Variants in NDUFA12 observed in about 807,000 individuals in gnomAD.
The protein encoded by NDUFA12 is NADH:ubiquinone oxidoreductase subunit A12.
A neutral mutation model predicts 20.3 loss-of-function variants in NDUFA12; 17 were observed. The ratio of observed to expected loss-of-function variants is 0.84; its 90% confidence interval spans 0.57 to 1.26. NDUFA12 has a LOEUF of 1.26. NDUFA12 is among the 50% of genes most tolerant of loss of function. NDUFA12 has a pLI of 0.00. For missense variants in NDUFA12, 191 were observed against 183.7 expected (o/e 1.04, Z -0.23); for synonymous variants, 72 against 63.6 (o/e 1.13, Z -0.63).
intron 3 of NDUFA12, among the ~76,000 whole-genome samples, chr12:94,984,010 G>T (rs562431252): frequency 6.6e-6 from 1 of 152,106 alleles, no homozygotes; most frequent in Non-Finnish European, 1.5e-5. Flanking sequence ...CTGGTTTGGG[G>T]TGCTGGAGGC....
intron 3 of NDUFA12, among the ~76,000 whole-genome samples, chr12:94,980,485 G>A (rs2136061493): frequency 6.6e-6 from 1 of 151,874 alleles, no homozygotes; most frequent in East Asian, 1.9e-4. Flanking sequence ...TGACCACCAC[G>A]ATGTTAAGCA....
chr12:94,998,609 C>T (rs191324858), intron 2 of NDUFA12, among the ~76,000 whole-genome samples: 1 of 152,242 alleles, frequency 6.6e-6, no homozygotes, highest in African/African-American at 2.4e-5. Flanking sequence ...AGCTCCTAGA[C>T]CTGATAAATA....
intron 3 of NDUFA12, among the ~76,000 whole-genome samples, chr12:94,990,777 A>T (rs1253559369): frequency 6.6e-6 from 1 of 152,126 alleles, no homozygotes; most frequent in African/African-American, 2.4e-5. Flanking sequence ...TCTTCAAATT[A>T]CATCACTGAC....
At chr12:94,978,740 CTAATCTTTT>C (rs1284426777) in intron 3 of NDUFA12, among the ~76,000 whole-genome samples, 2 of 152,076 alleles carry the variant, frequency 1.3e-5, no homozygotes, top group East Asian at 3.8e-4. Context: ...ATTCAATTTA[CTAATCTTTT>C]TATCCTATTT....
At chr12:94,985,914 G>A (rs150611248) in intron 3 of NDUFA12, among the ~76,000 whole-genome samples, 1,706 of 151,872 alleles carry the variant, frequency 0.011, 29 homozygotes, top group African/African-American at 0.039. Flanking sequence ...GTGAAACCCC[G>A]TCTCTACTAA....
At position 94,972,451 on chromosome 12, in the gene NDUFA12, T is replaced by C. The variant is rs372077370; in HGVS notation, c.258-831A>G. 50 of 454,650 alleles carry C rather than the reference T, an allele frequency of 1.1e-4. No homozygotes were observed. The East Asian group carries it at 2.8e-3, about 25-fold the overall frequency. The allele number at this position is 454,650 out of a possible 1,614,324, so 28.2% of individuals were successfully genotyped here. A position where few individuals can be genotyped will look rare whatever the true frequency, so the allele number is the denominator to read the frequency against. On this transcript the variant is annotated intron_variant, in intron 3 of 3. Transcript: ENST00000327772. ...TGGATTTTCAGTATGCTCAGGTTAC[T>C]CTGGCTCATGAAGGTTTAGTTTAAA... is the stretch of plus-strand genomic sequence containing the variant.
chr12:94,995,615 C>T (rs1480427612), intron 2 of NDUFA12, among the ~76,000 whole-genome samples: 1 of 152,166 alleles, frequency 6.6e-6, no homozygotes, highest in Non-Finnish European at 1.5e-5. Context: ...CTGCCTGCAA[C>T]CTCCCCTTCC....
Position 94,971,519 on chromosome 12 carries a change from G to C in NDUFA12, c.359C>G (p.Thr120Ser). The change falls in exon 4 of 4, where the codon ACC (threonine) becomes AGC (serine). Residue 120 changes from threonine (T) to serine (S), a missense_variant. By Grantham distance (58) the Thr-to-Ser change is moderately conservative. Transcript: ENST00000327772. ...AGAATAAGGTACATATTGTTCTGGG[G>C]TGCCAGTCACGTTGAATTTATGGTT... is the stretch of plus-strand genomic sequence containing the variant. ...WTNHKFNVTG[T>S]PEQYVPYSTT... is the part of the protein sequence containing the mutation. The C allele has an allele frequency of 6.2e-7, 1 of 1,614,168 alleles. No individual in the cohort carries two copies. The highest frequency in any genetic ancestry group is 8.5e-7 in the Non-Finnish European group (1 of 1,180,030).
chr12:94,977,234 C>T (rs1264793273), intron 3 of NDUFA12, among the ~76,000 whole-genome samples: 1 of 152,144 alleles, frequency 6.6e-6, no homozygotes, highest in Non-Finnish European at 1.5e-5. Context: ...CAGTGGCTGT[C>T]ACATATAATC....
Position 94,971,605 on chromosome 12 carries a change from G to C in NDUFA12, c.273C>G (p.His91Gln). The C allele has an allele frequency of 6.2e-7, 1 of 1,614,166 alleles. No individual in the cohort carries two copies. Among genetic ancestry groups the C allele is most frequent in the South Asian group, 1.1e-5 (1 of 91,084 alleles). The change falls in exon 4 of 4, where the codon CAC becomes CAG. Residue 91 changes from histidine (H) to glutamine (Q), a missense_variant. By Grantham distance (24) the His-to-Gln change is conservative. Transcript: ENST00000327772. ...TTGTTGGAGGATCATCAGTCATACTGTGAAGCCAACGATGCCTTAAAGAGG... is the reference window on the plus strand; with the variant it reads ...TTGTTGGAGGATCATCAGTCATACTCTGAAGCCAACGATGCCTTAAAGAGG... ...MVPPEWHRWLHSMTDDPPTTK... is the reference protein window; with the variant it reads ...MVPPEWHRWLQSMTDDPPTTK...
chr12:94,980,509 G>T (rs1414829549), intron 3 of NDUFA12, among the ~76,000 whole-genome samples: 2 of 151,568 alleles, frequency 1.3e-5, no homozygotes, highest in African/African-American at 4.9e-5. Flanking sequence ...TAAACAAATT[G>T]GCCTTTCAAG....
At chr12:94,992,747 A>C (rs1221145603) in intron 3 of NDUFA12, among the ~76,000 whole-genome samples, 3 of 152,208 alleles carry the variant, frequency 2.0e-5, no homozygotes, top group African/African-American at 7.2e-5. Flanking sequence ...GACAGCCAGC[A>C]ATAAATGCCA....
chr12:95,002,610 TCA>T, intron 2 of NDUFA12, 127 bp downstream of exon 2: 1 of 735,828 alleles, frequency 1.4e-6, no homozygotes, highest in Non-Finnish European at 2.4e-6. Flanking sequence ...TTATCTTTTT[TCA>T]TTTTCTATTG....
chr12:95,001,075 C>G (rs746116223), intron 2 of NDUFA12, among the ~76,000 whole-genome samples: 7 of 151,712 alleles, frequency 4.6e-5, no homozygotes, highest in Non-Finnish European at 1.0e-4. Flanking sequence ...GAGGCTGAGA[C>G]AAGAGGATGG....
intron 3 of NDUFA12, among the ~76,000 whole-genome samples, chr12:94,981,594 C>T (rs1052361375): frequency 2.6e-5 from 4 of 152,096 alleles, no homozygotes; most frequent in Admixed American, 1.3e-4. Flanking sequence ...AATGAAGGTA[C>T]TGTAAAAAAA....
chr12:94,996,318 T>C (rs1014065677), intron 2 of NDUFA12, among the ~76,000 whole-genome samples: 1 of 88,496 alleles, frequency 1.1e-5, no homozygotes, highest in Non-Finnish European at 2.1e-5. Context: ...TACATACATA[T>C]ATAGGTACAC....
At chr12:94,974,934 G>T (rs1330969282) in intron 3 of NDUFA12, among the ~76,000 whole-genome samples, 1 of 152,098 alleles carries the variant, frequency 6.6e-6, no homozygotes, top group African/African-American at 2.4e-5. Flanking sequence ...GAATGAATAA[G>T]ACCTAGTATT....
chr12:95,001,454 T>C (rs1354448007), intron 2 of NDUFA12, among the ~76,000 whole-genome samples: 2 of 151,826 alleles, frequency 1.3e-5, no homozygotes, highest in Non-Finnish European at 2.9e-5. Context: ...ACCTCGTCTC[T>C]CCAAAAAAAA....
At chr12:94,978,764 A>C (rs533367533) in intron 3 of NDUFA12, among the ~76,000 whole-genome samples, 28 of 152,338 alleles carry the variant, frequency 1.8e-4, no homozygotes, top group African/African-American at 6.3e-4. Context: ...CTATTTATAA[A>C]TTGAACCTCA....
Sources: gnomAD v4.1 joint callset for allele counts (sites outside exome capture counted in the v4.1 genomes callset) on GRCh38, gnomAD v4.1.1 for gene constraint, MANE v1.5 for transcripts, NCBI Gene and HGNC (gene_info 2026-07-23, HGNC 2026-07-21) for gene names.